UTS2: variants seen among roughly 807,000 people sequenced by gnomAD.
UTS2 encodes the protein urotensin 2.
Under a neutral mutation model 12.6 loss-of-function variants are expected in UTS2, and 10 were observed. That is an observed-to-expected ratio of 0.80 (90% CI 0.49 to 1.35). The LOEUF (loss-of-function observed/expected upper bound fraction) is 1.35. UTS2 is among the 40% of genes most tolerant of loss of function. UTS2 has a pLI of 0.00. For missense variants in UTS2, 142 were observed against 143.2 expected (o/e 0.99, Z 0.04); for synonymous variants, 52 against 50.0 (o/e 1.04, Z -0.17).
the UTS2 span, among the ~76,000 whole-genome samples, chr1:7,901,337 G>A: frequency 6.6e-6 from 1 of 152,146 alleles, no homozygotes; most frequent in Non-Finnish European, 1.5e-5. Context: ...ACTGGGATTT[G>A]TTGTTTCATT....
the UTS2 span, among the ~76,000 whole-genome samples, chr1:7,866,778 A>G: frequency 1.3e-5 from 2 of 151,780 alleles, no homozygotes; most frequent in Admixed American, 1.3e-4. This position sits in a 1 kb window ranked among gnomAD's most constrained non-coding sequence, Gnocchi z 4.5. Context: ...ACCCCATTGA[A>G]CCCCACCATC....
At chr1:7,905,333 C>T in the UTS2 span, among the ~76,000 whole-genome samples, 6,086 of 151,686 alleles carry the variant, frequency 0.04, 409 homozygotes, top group African/African-American at 0.14. Context: ...TTAGTAGACA[C>T]GGGGTTTCTC....
At chr1:7,909,825 T>C in the UTS2 span, among the ~76,000 whole-genome samples, 1 of 152,028 alleles carries the variant, frequency 6.6e-6, no homozygotes, top group South Asian at 2.1e-4. Flanking sequence ...TTTCAACATG[T>C]TGGCCAGGCT....
the UTS2 span, among the ~76,000 whole-genome samples, chr1:7,895,965 A>T: frequency 6.6e-6 from 1 of 152,320 alleles, no homozygotes; most frequent in East Asian, 1.9e-4. Flanking sequence ...CCTAGATGCA[A>T]CATGCACCTT....
At chr1:7,864,032 G>T in the UTS2 span, among the ~76,000 whole-genome samples, 1 of 152,256 alleles carries the variant, frequency 6.6e-6, no homozygotes, top group Non-Finnish European at 1.5e-5. Flanking sequence ...GGAAGCGTCA[G>T]CGTGTCTCGA....
chr1:7,889,442 C>CAAAAAA, the UTS2 span, among the ~76,000 whole-genome samples: 14 of 85,372 alleles, frequency 1.6e-4, no homozygotes, highest in East Asian at 3.6e-4. Flanking sequence ...ATCTTATCAC[C>CAAAAAA]AAAAAAAAAA....
the UTS2 span, among the ~76,000 whole-genome samples, chr1:7,896,058 C>T: frequency 2.6e-5 from 4 of 152,194 alleles, no homozygotes; most frequent in Non-Finnish European, 4.4e-5. Context: ...AATGCCACAT[C>T]TCCCTTTCAA....
chr1:7,866,505 T>C, the UTS2 span, among the ~76,000 whole-genome samples: 1 of 152,122 alleles, frequency 6.6e-6, no homozygotes. This position sits in a 1 kb window ranked among gnomAD's most constrained non-coding sequence, Gnocchi z 4.5. Flanking sequence ...TTCAGAGTCA[T>C]GTCCTCAGCG....
the UTS2 span, among the ~76,000 whole-genome samples, chr1:7,891,224 A>T: frequency 2.0e-5 from 3 of 152,160 alleles, no homozygotes; most frequent in African/African-American, 7.2e-5. Flanking sequence ...GAGAGGAGGA[A>T]CAAGTTCAAG....
the UTS2 span, among the ~76,000 whole-genome samples, chr1:7,906,466 A>AGAAAGAAAGAAAGAAAG: frequency 6.9e-6 from 1 of 145,242 alleles, no homozygotes; most frequent in Non-Finnish European, 1.5e-5. Context: ...AAAGAAAGAA[A>AGAAAGAAAGAAAGAAAG]GAAAGAAAGA....
At chr1:7,899,564 T>C in the UTS2 span, among the ~76,000 whole-genome samples, 19 of 152,186 alleles carry the variant, frequency 1.2e-4, no homozygotes, top group Non-Finnish European at 2.4e-4. Flanking sequence ...TGGAGTGCAG[T>C]GGCGTGATCA....
At chr1:7,867,026 C>A in the UTS2 span, among the ~76,000 whole-genome samples, 1 of 152,070 alleles carries the variant, frequency 6.6e-6, no homozygotes, top group Non-Finnish European at 1.5e-5. Flanking sequence ...TGCATCACCA[C>A]GCCCAGCTAA....
At chr1:7,849,835 A>G (rs1354091028) in intron 2 of UTS2, 152 bp from the exon 3 acceptor site, 1 of 636,164 alleles carries the variant, frequency 1.6e-6, no homozygotes, top group Non-Finnish European at 2.6e-6. Context: ...ACAGACAGGC[A>G]CTCCTGTTCT....
chr1:7,873,150 A>G, the UTS2 span, among the ~76,000 whole-genome samples: 1 of 152,228 alleles, frequency 6.6e-6, no homozygotes, highest in Non-Finnish European at 1.5e-5. Context: ...TCTAAAAAAA[A>G]TTTCTTCAAA....
chr1:7,850,921 T>C lies in UTS2; in HGVS notation c.105A>G (p.Ala35=). The change falls in exon 2 of 4, where the codon GCA becomes GCG. Residue 35 remains alanine, a splice_region_variant and synonymous_variant. Transcript: ENST00000361696. ...DSREISFQLS[A]PHEDARLTPE... is the part of the protein sequence containing the mutation. ...GAGTTAAGCGCGCGTCTTCATGAGG[T>C]GCTACAGAGTAAAAACAGATACTTA... 1 of 1,614,046 alleles carries C rather than the reference T, an allele frequency of 6.2e-7. No homozygotes were observed. Among genetic ancestry groups the C allele is most frequent in the Non-Finnish European group, 8.5e-7 (1 of 1,179,980 alleles).
chr1:7,907,030 C>A, the UTS2 span, among the ~76,000 whole-genome samples: 1 of 150,974 alleles, frequency 6.6e-6, no homozygotes, highest in Admixed American at 6.6e-5. Flanking sequence ...GGGGGAGGAT[C>A]ACCTGAGGTT....
the UTS2 span, among the ~76,000 whole-genome samples, chr1:7,893,951 G>A: frequency 6.6e-6 from 1 of 152,172 alleles, no homozygotes; most frequent in African/African-American, 2.4e-5. Context: ...GTGAGTCAGA[G>A]GCATAGCTAG....
At chr1:7,909,806 G>T in the UTS2 span, among the ~76,000 whole-genome samples, 1 of 151,806 alleles carries the variant, frequency 6.6e-6, no homozygotes, top group African/African-American at 2.4e-5. Flanking sequence ...TTTTTTGGTA[G>T]AGACGAGGTT....
At chr1:7,909,876 C>T in the UTS2 span, among the ~76,000 whole-genome samples, 3 of 152,120 alleles carry the variant, frequency 2.0e-5, no homozygotes, top group Non-Finnish European at 4.4e-5. Flanking sequence ...CCCGCCTTGA[C>T]CTCCCAAGAT....
Sources: gnomAD v4.1 joint callset for allele counts (sites outside exome capture counted in the v4.1 genomes callset) on GRCh38, gnomAD v4.1.1 for gene constraint, Gnocchi (gnomAD v3.1) non-coding constraint, MANE v1.5 for transcripts, NCBI Gene and HGNC (gene_info 2026-07-23, HGNC 2026-07-21) for gene names.